Variants in KCNC2 observed in about 807,000 individuals in gnomAD.
The protein encoded by KCNC2 is voltage-gated potassium channel KCNC2.
A neutral mutation model predicts 44.5 loss-of-function variants in KCNC2; 21 were observed. That is an observed-to-expected ratio of 0.47 (90% confidence interval 0.33 to 0.68). KCNC2 has a LOEUF of 0.68. KCNC2 is among the 30% of genes least tolerant of loss of function. The probability of loss-of-function intolerance (pLI) is 0.01; values close to 1 mark genes in which losing one functional copy is unlikely to be tolerated. For missense variants in KCNC2, 589 were observed against 826.2 expected (o/e 0.71, Z 3.52); for synonymous variants, 391 against 339.1 (o/e 1.15, Z -1.68).
chr12:75,042,363 C>G lies in KCNC2; in HGVS notation c.*742G>C, dbSNP rs201543535. 6.2e-7 allele frequency: 1 copy of G among 1,612,066 alleles called. No homozygotes were observed. Among genetic ancestry groups the G allele is most frequent in the Non-Finnish European group, 8.5e-7 (1 of 1,178,702 alleles). On this transcript the variant is annotated 3_prime_UTR_variant, in exon 5 of 5. Coordinates refer to ENST00000549446, the MANE Select transcript of KCNC2 (RefSeq NM_139137.4). The stretch of plus-strand genomic sequence containing the variant: ...TGCGTGTAACCAGTAATGACAACCT[C>G]TTTGCAGTTATCTGTGTGCAAACAA...
intron 2 of KCNC2, among the ~76,000 whole-genome samples, chr12:75,081,408 A>ATTTTTTT (rs34651267): frequency 7.7e-6 from 1 of 130,484 alleles, no homozygotes; most frequent in African/African-American, 2.8e-5. Context: ...TTAAACATTC[A>ATTTTTTT]TTTTTTTTTT....
At chr12:75,097,898 C>A (rs916154435) in intron 2 of KCNC2, among the ~76,000 whole-genome samples, 3 of 151,946 alleles carry the variant, frequency 2.0e-5, no homozygotes, top group African/African-American at 7.2e-5. Context: ...ATTTAAAAAC[C>A]CAATGTCCTT....
rs2030281393 is a variant in KCNC2 at position 75,191,651 on chromosome 12, C to T, written c.687+15646G>A. Among the ~76,000 whole-genome samples the T allele has an allele frequency of 2.0e-5, 3 of 147,830 alleles. No individual in the cohort carries two copies. The South Asian group carries it at 6.5e-4, about 32-fold the overall frequency. ...CTGCAAGCTCCGCTTCCCGGGTTCA[C>T]GCCATTCTCCTGCCTCAGCCTCCCG... is the stretch of plus-strand genomic sequence containing the variant. On this transcript the variant is annotated intron_variant, in intron 2 of 4. Transcript: ENST00000549446.
intron 2 of KCNC2, among the ~76,000 whole-genome samples, chr12:75,130,298 T>G (rs561577316): frequency 3.9e-5 from 6 of 152,310 alleles, no homozygotes; most frequent in African/African-American, 1.2e-4. Context: ...CTATGTTTCT[T>G]TCATACTCTC....
intron 2 of KCNC2, among the ~76,000 whole-genome samples, chr12:75,204,908 C>T (rs1194563170): frequency 6.6e-6 from 1 of 151,996 alleles, no homozygotes; most frequent in Non-Finnish European, 1.5e-5. Flanking sequence ...CCTGACTGGT[C>T]AATAAAAATG....
At chr12:75,158,572 A>G (rs1030144483) in intron 2 of KCNC2, among the ~76,000 whole-genome samples, 1 of 152,008 alleles carries the variant, frequency 6.6e-6, no homozygotes. Flanking sequence ...TTTCATGGTT[A>G]TGACATTTCC....
chr12:75,157,956 A>G (rs1041519978), intron 2 of KCNC2, among the ~76,000 whole-genome samples: 10 of 152,086 alleles, frequency 6.6e-5, no homozygotes, highest in Non-Finnish European at 1.5e-4. Context: ...AGGAGTCTTT[A>G]TTGATGTCAA....
chr12:75,152,923 T>G (rs1246560426), intron 2 of KCNC2, among the ~76,000 whole-genome samples: 1 of 151,932 alleles, frequency 6.6e-6, no homozygotes, highest in Non-Finnish European at 1.5e-5. Flanking sequence ...TAGAGGCGAA[T>G]TATACAATGA....
At chr12:75,107,569 A>G (rs1420064704) in intron 2 of KCNC2, among the ~76,000 whole-genome samples, 4 of 152,192 alleles carry the variant, frequency 2.6e-5, no homozygotes, top group South Asian at 4.1e-4. Context: ...TGTTAGATTT[A>G]TGGTTTCAGT....
chr12:75,173,499 A>G (rs1891972447), intron 2 of KCNC2, among the ~76,000 whole-genome samples: 1 of 151,864 alleles, frequency 6.6e-6, no homozygotes, highest in Admixed American at 6.6e-5. Flanking sequence ...GGAAAAAACA[A>G]AAGTGGGTAT....
Position 75,207,305 on chromosome 12 carries a change from C to T in KCNC2, c.679G>A (p.Ala227Thr), listed in dbSNP as rs1173955906. ...ALFEDPYSSR[A>T]ARFIAFASLF... Reference sequence around the variant, plus strand: ...GTCGATTCTGGCCTTACCCTGGCGGCTCTGGACGAGTAGGGGTCTTCGAAG... The same window carrying T: ...GTCGATTCTGGCCTTACCCTGGCGGTTCTGGACGAGTAGGGGTCTTCGAAG... Residue 227 changes from alanine (A) to threonine (T), a missense_variant, in exon 2 of 5, where the codon GCC (alanine) becomes ACC (threonine). Ala to Thr is a moderately conservative substitution (Grantham distance 58). Around this residue, in one of 7 missense-constraint regions of KCNC2, gnomAD observed 26 missense variants for 50.4 expected, o/e 0.52. Transcript: ENST00000549446. This position sits in a 1 kb window ranked among gnomAD's most constrained non-coding sequence, Gnocchi z 4.1. 2.6e-6 allele frequency: 4 copies of T among 1,544,400 alleles called. No individual in the cohort carries two copies. Among genetic ancestry groups the T allele is most frequent in the Non-Finnish European group, 3.5e-6 (4 of 1,149,468 alleles).
At chr12:75,108,578 C>T (rs1287166362) in intron 2 of KCNC2, among the ~76,000 whole-genome samples, 1 of 152,192 alleles carries the variant, frequency 6.6e-6, no homozygotes, top group Non-Finnish European at 1.5e-5. Context: ...CTACTGTTTA[C>T]CATGAATAAG....
At chr12:75,068,771 T>C (rs954370340) in intron 2 of KCNC2, among the ~76,000 whole-genome samples, 3 of 152,164 alleles carry the variant, frequency 2.0e-5, no homozygotes, top group Non-Finnish European at 2.9e-5. Context: ...AATGACCAGA[T>C]GAAATTCCTT....
In KCNC2 at chr12:75,041,726, G is replaced by A; in HGVS notation, c.*1379C>T. On this transcript the variant is annotated 3_prime_UTR_variant, in exon 5 of 5. Coordinates refer to ENST00000549446, the MANE Select transcript of KCNC2 (RefSeq NM_139137.4). ...AACTGACACTGCAGCAGGCAACCAA[G>A]TGCAATGGTGAAATTGCTGCTTAAA... 2 of 992,974 alleles carry A rather than the reference G, an allele frequency of 2.0e-6. No homozygotes were observed. The highest frequency in any genetic ancestry group is 2.4e-6 in the Non-Finnish European group (2 of 834,200). 61.5% of individuals were successfully genotyped at this position (992,974 alleles called of 1,614,324 possible).
intron 2 of KCNC2, among the ~76,000 whole-genome samples, chr12:75,083,124 A>C (rs1379413740): frequency 1.9e-5 from 2 of 105,886 alleles, no homozygotes; most frequent in Non-Finnish European, 4.5e-5. Flanking sequence ...TTATTTCCAA[A>C]TTTTCTAAAA....
At chr12:75,047,523 AT>A (rs1165221010) in intron 4 of KCNC2, among the ~76,000 whole-genome samples, 2 of 151,960 alleles carry the variant, frequency 1.3e-5, no homozygotes, top group South Asian at 4.1e-4. Context: ...TAATAAAAGG[AT>A]TTTTTATTAT....
intron 2 of KCNC2, among the ~76,000 whole-genome samples, chr12:75,076,055 A>ACG (rs1327250258): frequency 6.6e-6 from 1 of 151,592 alleles, no homozygotes; most frequent in African/African-American, 2.4e-5. Flanking sequence ...ACACACACAC[A>ACG]CACACACACA....
chr12:75,122,623 T>C (rs969364474), intron 2 of KCNC2, among the ~76,000 whole-genome samples: 5 of 152,136 alleles, frequency 3.3e-5, no homozygotes, highest in African/African-American at 1.2e-4. Context: ...AAATCTATTA[T>C]AGAATTTTCG....
chr12:75,207,576 C>G lies in KCNC2; in HGVS notation c.408G>C (p.Glu136Asp). ...CGTCGATGCCCCAGAAGGCCAGCTC[C>G]TCCTCGAAGAGCGGCCCGCACACGT... ...PADVCGPLFE[E>D]ELAFWGIDET... Residue 136 changes from glutamate to aspartate, a missense_variant, in exon 2 of 5, where the codon GAG becomes GAC. By Grantham distance (45) the Glu-to-Asp change is conservative (BLOSUM62 2). Transcript: ENST00000549446. The surrounding 1 kb of genome is among the most constrained non-coding windows in gnomAD (Gnocchi z 4.1). The G allele has an allele frequency of 4.3e-6, 7 of 1,612,186 alleles. No homozygotes were observed. The highest frequency in any genetic ancestry group is 5.9e-6 in the Non-Finnish European group (7 of 1,179,894).
Sources: allele counts gnomAD v4.1 joint callset (sites outside exome capture counted in the v4.1 genomes callset), GRCh38; gene constraint gnomAD v4.1.1; regional missense constraint gnomAD v4.1.1; non-coding constraint Gnocchi (gnomAD v3.1); transcripts MANE v1.5; gene names NCBI Gene and HGNC (gene_info 2026-07-23, HGNC 2026-07-21).